The following UIMC1 variants were observed in gnomAD, a reference collection of about 807,000 sequenced individuals.
UIMC1 encodes BRCA1-A complex subunit RAP80.
UIMC1 carries 42 observed loss-of-function variants against 84.9 expected under a neutral mutation model. The observed-to-expected ratio is 0.49, with a 90% CI of 0.39 to 0.64. The LOEUF (loss-of-function observed/expected upper bound fraction) is 0.64. Ranked by LOEUF, UIMC1 falls within the 30% of genes least tolerant of loss-of-function variation. UIMC1 has a pLI of 0.00. For synonymous variants in UIMC1, 281 were observed against 293.0 expected, an observed-to-expected ratio of 0.96 and a Z score of 0.42; for missense variants, 825 against 847.6, an observed-to-expected ratio of 0.97 and a Z score of 0.33.
intron 9 of UIMC1, among the ~76,000 whole-genome samples, chr5:176,950,389 C>T (rs950270687): frequency 1.3e-5 from 2 of 151,534 alleles, no homozygotes; most frequent in East Asian, 2.0e-4. Flanking sequence ...TGAGCCACTG[C>T]GCCCGGCCAA....
Position 176,998,448 on chromosome 5 carries a change from C to T in UIMC1, c.-9+8202G>A, listed in dbSNP as rs1773956617. Among the ~76,000 whole-genome samples, 3 of 112,160 alleles carry T rather than the reference C, an allele frequency of 2.7e-5. No individual in the cohort carries two copies. The South Asian group carries it at 9.0e-4, about 34-fold the overall frequency. The allele number at this position is 112,160 out of a possible 152,430, so 73.6% of individuals were successfully genotyped here. Reference sequence around the variant, plus strand: ...CACCACTGCACTCCAGCCTGGACGACAGAGCAAGACTCTGTCTCAAAAAAA... The same window carrying T: ...CACCACTGCACTCCAGCCTGGACGATAGAGCAAGACTCTGTCTCAAAAAAA... On this transcript the variant is annotated intron_variant, in intron 1 of 14. Coordinates refer to ENST00000511320, the MANE Select transcript of UIMC1 (RefSeq NM_001199298.2).
chr5:176,920,084 C>T (rs1761517534), intron 10 of UIMC1, among the ~76,000 whole-genome samples: 2 of 152,008 alleles, frequency 1.3e-5, no homozygotes, highest in Non-Finnish European at 2.9e-5. Context: ...TGCAATGGTG[C>T]GATCTTGGCA....
intron 2 of UIMC1, among the ~76,000 whole-genome samples, chr5:176,978,909 G>C (rs1467325872): frequency 1.3e-5 from 2 of 152,100 alleles, no homozygotes; most frequent in Admixed American, 6.6e-5. Context: ...TAAAAGATGT[G>C]CTCTATTGCT....
chr5:176,943,527 T>C lies in UIMC1; in HGVS notation c.1444-39A>G, dbSNP rs376406450. 1.9e-6 allele frequency: 3 copies of C among 1,603,064 alleles called. No individual in the cohort carries two copies. In the African/African-American group the frequency reaches 4.0e-5, roughly 22 times the overall value. The stretch of plus-strand genomic sequence containing the variant: ...CAAACAGCAATCATAACAGCTTTAG[T>C]TCATATCATTCCCTACAACGAACTG... On this transcript the variant is annotated intron_variant, in intron 9 of 14. Coordinates refer to ENST00000511320, the MANE Select transcript of UIMC1 (RefSeq NM_001199298.2).
intron 10 of UIMC1, among the ~76,000 whole-genome samples, chr5:176,913,473 T>C (rs1161193858): frequency 6.6e-6 from 1 of 152,222 alleles, no homozygotes; most frequent in Non-Finnish European, 1.5e-5. Context: ...TTCCTTAATA[T>C]GTGTAGCACC....
In UIMC1 at chr5:176,940,514, A is replaced by G. The variant is rs1038341703; in HGVS notation, c.1597+2821T>C. 3.3e-5 allele frequency among the ~76,000 whole-genome samples: 5 copies of G among 152,178 alleles called. No individual in the cohort carries two copies. In the South Asian group the frequency reaches 1.0e-3, roughly 32 times the overall value. On this transcript the variant is annotated intron_variant, in intron 10 of 14. Transcript: ENST00000511320. ...GTGTAAGTGCTTAGTAAGACAGACA[A>G]GATAGTCTCTTTCCTTTGAAATGCT...
At chr5:176,946,775 C>T in intron 9 of UIMC1, among the ~76,000 whole-genome samples, 1 of 152,046 alleles carries the variant, frequency 6.6e-6, no homozygotes. Flanking sequence ...GTGGAGGTTC[C>T]AGTGAGCCGA....
At chr5:176,943,306 A>C in intron 10 of UIMC1, 29 bp downstream of exon 10, 3 of 1,603,286 alleles carry the variant, frequency 1.9e-6, no homozygotes, top group South Asian at 2.2e-5. Context: ...CAAAAAAGTA[A>C]GAGTTTGGCT....
At chr5:177,005,752 C>G (rs1775162084) in intron 1 of UIMC1, among the ~76,000 whole-genome samples, 1 of 151,884 alleles carries the variant, frequency 6.6e-6, no homozygotes, top group African/African-American at 2.4e-5. Context: ...AAACTTTTCA[C>G]TTTTTCCGGG....
chr5:176,997,137 T>TTAGA (rs1471836172), intron 1 of UIMC1, among the ~76,000 whole-genome samples: 66 of 121,674 alleles, frequency 5.4e-4, no homozygotes, highest in African/African-American at 1.8e-3. Context: ...GATGTTATCT[T>TTAGA]TAACTCTCTT....
intron 10 of UIMC1, among the ~76,000 whole-genome samples, chr5:176,923,888 TACACACACACAGACACACACACACAC>T (rs1561745077): frequency 7.3e-6 from 1 of 136,768 alleles, no homozygotes. Context: ...TATATATATA[TACACACACACAGACACACACACACAC>T]ACACACACAC....
intron 1 of UIMC1, among the ~76,000 whole-genome samples, chr5:177,016,489 A>C (rs559655938): frequency 1.3e-5 from 2 of 150,018 alleles, no homozygotes; most frequent in East Asian, 4.0e-4. Flanking sequence ...CAAAAGATCG[A>C]GACCATCCTG....
chr5:176,913,010 T>C (rs1404364713), intron 10 of UIMC1, among the ~76,000 whole-genome samples: 1 of 152,200 alleles, frequency 6.6e-6, no homozygotes, highest in East Asian at 1.9e-4. Context: ...CACTTCCCCC[T>C]AGGGAAATCC....
intron 10 of UIMC1, among the ~76,000 whole-genome samples, chr5:176,928,953 A>T (rs531892992): frequency 1.1e-4 from 17 of 148,860 alleles, no homozygotes; most frequent in African/African-American, 2.2e-4. Context: ...TACGTCTTTT[A>T]AAAAAAAAAT....
At chr5:176,961,926 C>T (rs1310213671) in intron 6 of UIMC1, among the ~76,000 whole-genome samples, 2 of 60,096 alleles carry the variant, frequency 3.3e-5, no homozygotes, top group African/African-American at 7.6e-5. Context: ...CCAGCCGCCC[C>T]GTCCGGGAGG....
At chr5:176,918,580 G>T (rs1377012156) in intron 10 of UIMC1, among the ~76,000 whole-genome samples, 1 of 152,090 alleles carries the variant, frequency 6.6e-6, no homozygotes, top group Admixed American at 6.6e-5. Flanking sequence ...CATTAATGAT[G>T]AGCTCAATTT....
chr5:176,991,305 G>A (rs1485751833), intron 1 of UIMC1, among the ~76,000 whole-genome samples: 3 of 152,030 alleles, frequency 2.0e-5, no homozygotes, highest in South Asian at 2.1e-4. Flanking sequence ...CACCAAGCCC[G>A]GCCTCAGTTT....
intron 1 of UIMC1, among the ~76,000 whole-genome samples, chr5:177,017,390 C>T (rs1029071602): frequency 6.6e-6 from 1 of 152,060 alleles, no homozygotes; most frequent in Non-Finnish European, 1.5e-5. Context: ...TCATCTCCCT[C>T]TTTTTTATTT....
intron 10 of UIMC1, among the ~76,000 whole-genome samples, chr5:176,942,725 G>A (rs559726897): frequency 5.1e-4 from 71 of 138,454 alleles, no homozygotes; most frequent in African/African-American, 1.7e-3. Context: ...CAGCCTGGGC[G>A]ACAGAGCGAG....
Sources: gnomAD v4.1 joint callset for allele counts (sites outside exome capture counted in the v4.1 genomes callset) on GRCh38, gnomAD v4.1.1 for gene constraint, MANE v1.5 for transcripts, NCBI Gene and HGNC (gene_info 2026-07-23, HGNC 2026-07-21) for gene names.